Variants in MSI2 observed in about 807,000 individuals in gnomAD.
MSI2 encodes the protein musashi RNA binding protein 2.
Under a neutral mutation model 45.6 loss-of-function variants are expected in MSI2, and 17 were observed. The observed-to-expected ratio is 0.37, with a 90% CI of 0.26 to 0.56. The LOEUF (loss-of-function observed/expected upper bound fraction) is 0.56, where lower values mean the gene tolerates loss of function less well. Ranked by LOEUF, MSI2 falls within the 20% of genes least tolerant of loss-of-function variation. MSI2 has a pLI of 0.77. For synonymous variants in MSI2, 156 were observed against 158.2 expected (o/e 0.99, Z 0.11); for missense variants, 293 against 444.2 (o/e 0.66, Z 3.06).
chr17:57,661,975 A>G (rs1449638553), intron 11 of MSI2, among the ~76,000 whole-genome samples: 2 of 152,128 alleles, frequency 1.3e-5, no homozygotes, highest in Non-Finnish European at 2.9e-5. Flanking sequence ...GATATTTTGC[A>G]TGTGTCTGCG....
At position 57,675,015 on chromosome 17, in the gene MSI2, C is replaced by T. The variant is rs1295492831; in HGVS notation, c.834C>T (p.Ser278=). The T allele has an allele frequency of 6.2e-7, 1 of 1,613,858 alleles. No homozygotes were observed. The highest frequency in any genetic ancestry group is 1.7e-5 in the Admixed American group (1 of 60,026). Residue 278 remains serine, a synonymous_variant, in exon 12 of 14, where the codon AGC becomes AGT. Transcript: ENST00000284073. ...CCGGAGGCTTCCCGGGGGCCAACAG[C>T]CCAGGACCTGTCGCCGATCTCTACG... ...ARPGGFPGAN[S]PGPVADLYGP... is the part of the protein sequence containing the mutation.
intron 6 of MSI2, among the ~76,000 whole-genome samples, chr17:57,477,984 C>T (rs1321865344): frequency 2.0e-5 from 3 of 152,228 alleles, no homozygotes; most frequent in African/African-American, 7.2e-5. Context: ...CTCCCCACTG[C>T]TAGGATGCTG....
chr17:57,496,261 G>A (rs888787520), intron 6 of MSI2, among the ~76,000 whole-genome samples: 71 of 152,170 alleles, frequency 4.7e-4, no homozygotes, highest in African/African-American at 1.7e-3. Flanking sequence ...CACGCCAGCC[G>A]TGTGCCCTAC....
intron 5 of MSI2, among the ~76,000 whole-genome samples, chr17:57,320,700 G>A (rs1372662941): frequency 6.6e-6 from 1 of 152,122 alleles, no homozygotes. Flanking sequence ...TGTTGAAATA[G>A]GCAGGCTGGT....
At chr17:57,482,952 G>A (rs895871047) in intron 6 of MSI2, among the ~76,000 whole-genome samples, 7 of 152,218 alleles carry the variant, frequency 4.6e-5, no homozygotes, top group African/African-American at 1.7e-4. Flanking sequence ...TGAGAGTCCG[G>A]CTGTGTGTGC....
At chr17:57,332,487 A>G (rs1914353277) in intron 5 of MSI2, among the ~76,000 whole-genome samples, 1 of 152,200 alleles carries the variant, frequency 6.6e-6, no homozygotes, top group Non-Finnish European at 1.5e-5. Flanking sequence ...TATTGTATTT[A>G]TAATACATCC....
At chr17:57,354,812 A>G (rs1367777363) in intron 5 of MSI2, among the ~76,000 whole-genome samples, 2 of 152,182 alleles carry the variant, frequency 1.3e-5, no homozygotes, top group African/African-American at 2.4e-5. Context: ...TCGAGCAGCC[A>G]GAGAATGATG....
downstream of MSI2, among the ~76,000 whole-genome samples, chr17:57,687,351 CAT>C (rs1202256927): frequency 6.6e-6 from 1 of 151,626 alleles, no homozygotes; most frequent in Non-Finnish European, 1.5e-5. Flanking sequence ...GAATAGAAAA[CAT>C]AAGTCCAAAG....
At chr17:57,336,175 GT>G (rs1304362321) in intron 5 of MSI2, among the ~76,000 whole-genome samples, 1 of 152,198 alleles carries the variant, frequency 6.6e-6, no homozygotes, top group Non-Finnish European at 1.5e-5. Context: ...GTGAGAAGTG[GT>G]TAGATTCCAG....
intron 6 of MSI2, among the ~76,000 whole-genome samples, chr17:57,515,988 G>T (rs2143972321): frequency 6.6e-6 from 1 of 152,184 alleles, no homozygotes; most frequent in South Asian, 2.1e-4. Context: ...CCTTCATCCA[G>T]CTTCCCACAA....
intron 7 of MSI2, among the ~76,000 whole-genome samples, chr17:57,540,861 T>C (rs2087028911): frequency 1.3e-5 from 2 of 152,212 alleles, no homozygotes. Flanking sequence ...TTGTGGTAGC[T>C]TGTTATGGCA....
At chr17:57,578,289 A>G (rs1175928067) in intron 7 of MSI2, among the ~76,000 whole-genome samples, 1 of 152,200 alleles carries the variant, frequency 6.6e-6, no homozygotes, top group African/African-American at 2.4e-5. Flanking sequence ...AGCAAATGAA[A>G]GTGCTTAGTT....
intron 7 of MSI2, among the ~76,000 whole-genome samples, chr17:57,538,515 C>A (rs2086970705): frequency 6.6e-6 from 1 of 152,140 alleles, no homozygotes; most frequent in Non-Finnish European, 1.5e-5. Context: ...GTGAAGGTAA[C>A]ACACCCGCTC....
At chr17:57,675,589 G>A (rs1233544346) in intron 12 of MSI2, among the ~76,000 whole-genome samples, 1 of 152,146 alleles carries the variant, frequency 6.6e-6, no homozygotes, top group East Asian at 1.9e-4. Flanking sequence ...CTGAGAGCTG[G>A]GAAATGTCCC....
intron 6 of MSI2, among the ~76,000 whole-genome samples, chr17:57,478,911 C>T (rs1342043845): frequency 6.6e-6 from 1 of 152,128 alleles, no homozygotes; most frequent in East Asian, 1.9e-4. Context: ...TTCATTCGTT[C>T]ATTCATTTAA....
In MSI2 at chr17:57,501,454, C is replaced by T. The variant is rs973148224; in HGVS notation, c.406-28222C>T. On this transcript the variant is annotated intron_variant, in intron 6 of 13. Transcript: ENST00000284073. Reference sequence around the variant, plus strand: ...AGGACCTGTCTCACTCTTCATCCCACGGCCCTGGGCCAGGCCCTGTTAGCT... The same window carrying T: ...AGGACCTGTCTCACTCTTCATCCCATGGCCCTGGGCCAGGCCCTGTTAGCT... Among the ~76,000 whole-genome samples the T allele has an allele frequency of 7.2e-5, 11 of 152,212 alleles. 1 individual carries two copies. Among genetic ancestry groups the T allele is most frequent in the Admixed American group, 6.5e-4 (10 of 15,288 alleles).
At chr17:57,305,318 G>C (rs1911785810) in intron 5 of MSI2, among the ~76,000 whole-genome samples, 1 of 152,166 alleles carries the variant, frequency 6.6e-6, no homozygotes, top group Non-Finnish European at 1.5e-5. Context: ...CATCTCTGGA[G>C]CCTCCGATGT....
chr17:57,410,604 G>A (rs1169524968), intron 6 of MSI2, among the ~76,000 whole-genome samples: 1 of 144,140 alleles, frequency 6.9e-6, no homozygotes, highest in Non-Finnish European at 1.5e-5. Flanking sequence ...AAAAAAAAAA[G>A]AAAAGAAAAC....
chr17:57,588,173 T>G (rs1398371244), intron 7 of MSI2, among the ~76,000 whole-genome samples: 1 of 152,146 alleles, frequency 6.6e-6, no homozygotes, highest in Non-Finnish European at 1.5e-5. Flanking sequence ...AGCAGACCCC[T>G]CGCATCCATC....
Sources: allele counts gnomAD v4.1 joint callset (sites outside exome capture counted in the v4.1 genomes callset), GRCh38; gene constraint gnomAD v4.1.1; transcripts MANE v1.5; gene names NCBI Gene and HGNC (gene_info 2026-07-23, HGNC 2026-07-21).